The following COL28A1 variants were observed in gnomAD, a reference collection of about 807,000 sequenced individuals.
The protein encoded by COL28A1 is collagen type XXVIII alpha 1 chain.
A neutral mutation model predicts 150.2 loss-of-function variants in COL28A1; 161 were observed. The ratio of observed to expected loss-of-function variants is 1.07; its 90% CI spans 0.94 to 1.22. The LOEUF is 1.22. Ranked by LOEUF, COL28A1 falls within the 50% of genes most tolerant of loss-of-function variation. COL28A1 has a pLI of 0.00. For synonymous variants in COL28A1, 552 were observed against 469.7 expected, an observed-to-expected ratio of 1.18 and a Z score of -2.26; for missense variants, 1,617 against 1,388.3, an observed-to-expected ratio of 1.16 and a Z score of -2.62.
At chr7:7,473,168 T>C (rs191669422) in intron 15 of COL28A1, among the ~76,000 whole-genome samples, 18 of 152,188 alleles carry the variant, frequency 1.2e-4, no homozygotes, top group African/African-American at 4.3e-4. Context: ...AAAACAAAGA[T>C]AAATAGCTGG....
At chr7:7,474,397 T>C (rs60668247) in intron 15 of COL28A1, among the ~76,000 whole-genome samples, 2 of 151,848 alleles carry the variant, frequency 1.3e-5, no homozygotes, top group Admixed American at 6.6e-5. Flanking sequence ...CTAAAGAACT[T>C]ACTCATGTAA....
intron 27 of COL28A1, among the ~76,000 whole-genome samples, chr7:7,387,190 G>A (rs756919218): frequency 4.6e-5 from 7 of 152,088 alleles, no homozygotes; most frequent in Non-Finnish European, 7.4e-5. Flanking sequence ...AATAAACCTT[G>A]CAAGAATGAA....
chr7:7,531,729 G>A lies in COL28A1; in HGVS notation c.300C>T (p.Ser100=), dbSNP rs1450708356. Residue 100 remains serine (S), a synonymous_variant, in exon 3 of 35, where the codon AGC becomes AGT. Transcript: ENST00000399429. The part of the protein sequence containing the change: ...DIKLAALQFS[S]SVQIDPPFSS... ...AAAAAGGTGGATCAATTTGGACAGA[G>A]CTGCTAAACTGAAGGGCTGCCAGTT... The A allele has an allele frequency of 6.2e-7, 1 of 1,606,614 alleles. No homozygotes were observed.
At chr7:7,359,808 T>C (rs907497366) in intron 34 of COL28A1, among the ~76,000 whole-genome samples, 5 of 152,210 alleles carry the variant, frequency 3.3e-5, no homozygotes, top group African/African-American at 9.7e-5. Context: ...CATAGATTTC[T>C]ACTACCTCTG....
At chr7:7,386,625 C>T (rs1782199691) in intron 27 of COL28A1, among the ~76,000 whole-genome samples, 1 of 152,122 alleles carries the variant, frequency 6.6e-6, no homozygotes, top group African/African-American at 2.4e-5. Context: ...TGTGGGATAG[C>T]AGGAGGGGAT....
At chr7:7,434,936 T>C (rs1785234701) in intron 23 of COL28A1, among the ~76,000 whole-genome samples, 1 of 152,196 alleles carries the variant, frequency 6.6e-6, no homozygotes, top group African/African-American at 2.4e-5. Flanking sequence ...GGGAGACCCC[T>C]GAAGTATTAC....
intron 25 of COL28A1, among the ~76,000 whole-genome samples, chr7:7,431,831 A>G (rs1052498947): frequency 6.6e-6 from 1 of 152,338 alleles, no homozygotes. Context: ...AGAAGCAGAA[A>G]GAAAAAAAGG....
intron 27 of COL28A1, among the ~76,000 whole-genome samples, chr7:7,387,973 C>A (rs1468824783): frequency 6.6e-6 from 1 of 152,086 alleles, no homozygotes; most frequent in Non-Finnish European, 1.5e-5. Context: ...CTACTGTTAC[C>A]AGAAGCCTCT....
At chr7:7,355,587 A>C (rs1383996219), downstream of COL28A1, among the ~76,000 whole-genome samples, 1 of 152,162 alleles carries the variant, frequency 6.6e-6, no homozygotes, top group Non-Finnish European at 1.5e-5. Flanking sequence ...CACTCTGGGC[A>C]ACAGAGCAAC....
At chr7:7,501,539 G>T (rs1263637118) in intron 11 of COL28A1, among the ~76,000 whole-genome samples, 1 of 152,172 alleles carries the variant, frequency 6.6e-6, no homozygotes, top group Admixed American at 6.5e-5. Context: ...ACCTCAGAAA[G>T]ACATCAAGAA....
intron 1 of COL28A1, among the ~76,000 whole-genome samples, chr7:7,534,473 G>T (rs946669967): frequency 6.6e-6 from 1 of 152,136 alleles, no homozygotes; most frequent in African/African-American, 2.4e-5. Context: ...TTTCAAAGGG[G>T]AAAGGGAATA....
intron 27 of COL28A1, among the ~76,000 whole-genome samples, chr7:7,382,801 C>G (rs1178006746): frequency 6.6e-6 from 1 of 152,018 alleles, no homozygotes; most frequent in Non-Finnish European, 1.5e-5. Context: ...AAATGAGAAT[C>G]ACAGGTGAAG....
chr7:7,529,025 G>A (rs190940058), intron 3 of COL28A1, among the ~76,000 whole-genome samples: 63 of 152,012 alleles, frequency 4.1e-4, no homozygotes, highest in Non-Finnish European at 7.1e-4. Context: ...TTCTGGGCCC[G>A]GCGCGATGGC....
chr7:7,396,340 G>T lies in COL28A1; in HGVS notation c.2137-14728C>A, dbSNP rs543236264. ...TAACCCTGGGAGCAAGTATATACAT[G>T]ATAAAACCAAGGCTTCACTAATACT... On this transcript the variant is annotated intron_variant, in intron 27 of 34. Coordinates refer to ENST00000399429, the MANE Select transcript of COL28A1 (RefSeq NM_001037763.3). Among the ~76,000 whole-genome samples the T allele has an allele frequency of 7.2e-5, 11 of 152,266 alleles. No individual in the cohort carries two copies. In the South Asian group the frequency reaches 1.9e-3, roughly 26 times the overall value.
chr7:7,527,810 G>T (rs139647713), intron 3 of COL28A1, among the ~76,000 whole-genome samples: 8 of 152,194 alleles, frequency 5.3e-5, no homozygotes, highest in African/African-American at 1.7e-4. Context: ...AGGAGTATAA[G>T]GTTTATGCTG....
chr7:7,378,174 T>C (rs1392698097), intron 30 of COL28A1, among the ~76,000 whole-genome samples: 3 of 152,148 alleles, frequency 2.0e-5, no homozygotes, highest in Non-Finnish European at 2.9e-5. Context: ...CAATGTACAG[T>C]TGGCTGTTAA....
intron 20 of COL28A1, 142 bp downstream of exon 20, chr7:7,443,443 C>G: frequency 7.8e-7 from 1 of 1,275,228 alleles, no homozygotes; most frequent in Non-Finnish European, 1.1e-6. Flanking sequence ...CTTCCAAAAG[C>G]TTCCAAGACA....
chr7:7,492,833 AT>A (rs1562822702), intron 11 of COL28A1, among the ~76,000 whole-genome samples: 1 of 151,102 alleles, frequency 6.6e-6, no homozygotes, highest in Non-Finnish European at 1.5e-5. Context: ...AGTCTGGCAA[AT>A]ATTTTTTCCC....
chr7:7,384,071 T>C (rs1379508222), intron 27 of COL28A1, among the ~76,000 whole-genome samples: 1 of 152,194 alleles, frequency 6.6e-6, no homozygotes, highest in Non-Finnish European at 1.5e-5. Context: ...GTTTCTAAAC[T>C]GTTTGTAGGT....
Sources: allele counts gnomAD v4.1 joint callset (sites outside exome capture counted in the v4.1 genomes callset), GRCh38; gene constraint gnomAD v4.1.1; transcripts MANE v1.5; gene names NCBI Gene and HGNC (gene_info 2026-07-23, HGNC 2026-07-21).